The following NCBP2L variants were observed in gnomAD, a reference collection of about 807,000 sequenced individuals.
NCBP2L encodes the protein nuclear cap-binding protein subunit 2-like.
For missense variants in NCBP2L, 95 were observed against 53.1 expected (o/e 1.79, Z -2.45); for synonymous variants, 39 against 19.2 (o/e 2.04, Z -2.70).
Position 107,794,869 on chromosome X carries a change from T to A in NCBP2L, c.*187T>A, listed in dbSNP as rs1024516839. ...TTTGTTTTTGTCTGAATTTTGAAGATGCTTTTCAGATTACCAGTTTGACTG... is the reference window on the plus strand; with the variant it reads ...TTTGTTTTTGTCTGAATTTTGAAGAAGCTTTTCAGATTACCAGTTTGACTG... On this transcript the variant is annotated 3_prime_UTR_variant, in exon 2 of 2. Transcript: ENST00000509000. 2.7e-5 allele frequency: 10 copies of A among 365,248 alleles called. No individual in the cohort carries two copies. The Admixed American group carries it at 4.8e-4, about 17-fold the overall frequency. 30.1% of individuals were successfully genotyped at this position (365,248 alleles called of 1,213,427 possible).
intron 1 of NCBP2L, among the ~76,000 whole-genome samples, chrX:107,787,162 G>A (rs1057128815): frequency 8.9e-6 from 1 of 111,871 alleles, no homozygotes; most frequent in African/African-American, 3.3e-5. Flanking sequence ...TTTCTAAAAA[G>A]CTCCCAGGTG....
chrX:107,787,528 T>C (rs1930403145), intron 1 of NCBP2L, among the ~76,000 whole-genome samples: 1 of 112,012 alleles, frequency 8.9e-6, no homozygotes, highest in African/African-American at 3.2e-5. Flanking sequence ...AAGTAATTTC[T>C]CATCTCTCAC....
chrX:107,781,472 A>ATTTTTTTTT (rs769639335), intron 1 of NCBP2L, among the ~76,000 whole-genome samples: 22 of 73,850 alleles, frequency 3.0e-4, no homozygotes, highest in Non-Finnish European at 4.5e-4. Context: ...CGCCCGGCTA[A>ATTTTTTTTT]TTTTTTTTTT....
chrX:107,784,807 CAA>C (rs10550955), intron 1 of NCBP2L, among the ~76,000 whole-genome samples: 1,056 of 41,032 alleles, frequency 0.026, 11 homozygotes, highest in African/African-American at 0.053. Context: ...CCCATCTCCA[CAA>C]AAAAAAAAAA....
At chrX:107,788,767 C>A (rs1420241493) in intron 1 of NCBP2L, among the ~76,000 whole-genome samples, 1 of 111,543 alleles carries the variant, frequency 9.0e-6, no homozygotes, top group Non-Finnish European at 1.9e-5. Flanking sequence ...CAACTAGAAA[C>A]CTCTGTTTTC....
In NCBP2L at chrX:107,794,254, C is replaced by T. The variant is rs756676066; in HGVS notation, c.34C>T (p.Pro12Ser). 7 of 557,387 alleles carry T rather than the reference C, an allele frequency of 1.3e-5. No individual in the cohort carries two copies. Among genetic ancestry groups the T allele is most frequent in the Middle Eastern group, 3.1e-4 (1 of 3,196 alleles). 45.9% of individuals were successfully genotyped at this position (557,387 alleles called of 1,213,427 possible). Residue 12 changes from proline to serine, a missense_variant, in exon 2 of 2, where the codon CCT (proline) becomes TCT (serine). Physicochemically the swap from Pro to Ser is moderately conservative, Grantham distance 74. Coordinates refer to ENST00000509000, the MANE Select transcript of NCBP2L (RefSeq NM_001348372.2). ...SKDLKILCKD[P>S]ALELSCYRDH... is the part of the protein sequence containing the mutation. The stretch of plus-strand genomic sequence containing the variant: ...AGACCTGAAAATTCTATGTAAAGAC[C>T]CTGCTTTGGAGCTGAGCTGCTACCG...
intron 1 of NCBP2L, among the ~76,000 whole-genome samples, chrX:107,792,563 G>A (rs1930467198): frequency 9.0e-6 from 1 of 111,670 alleles, no homozygotes; most frequent in Non-Finnish European, 1.9e-5. Flanking sequence ...CAGCACTGTT[G>A]TTTACATCTG....
chrX:107,782,851 T>C (rs1372934709), intron 1 of NCBP2L, among the ~76,000 whole-genome samples: 1 of 108,047 alleles, frequency 9.3e-6, no homozygotes, highest in African/African-American at 3.4e-5. Context: ...ACACATAATA[T>C]ACACACATAT....
At position 107,794,904 on chromosome X, in the gene NCBP2L, C is replaced by T. The variant is rs1480054675; in HGVS notation, c.*222C>T. 3.4e-6 allele frequency: 1 copy of T among 297,289 alleles called. No homozygotes were observed. The highest frequency in any genetic ancestry group is 5.9e-6 in the Non-Finnish European group (1 of 169,580). 24.5% of individuals were successfully genotyped at this position (297,289 alleles called of 1,213,427 possible). A position where few individuals can be genotyped will look rare whatever the true frequency, so the allele number is the denominator to read the frequency against. On this transcript the variant is annotated 3_prime_UTR_variant, in exon 2 of 2. Coordinates refer to ENST00000509000, the MANE Select transcript of NCBP2L (RefSeq NM_001348372.2). ...ATTACCAGTTTGACTGTTAGGTGGTCCAAAGTGAAGTGTTCTTCGGGAACA... is the reference window on the plus strand; with the variant it reads ...ATTACCAGTTTGACTGTTAGGTGGTTCAAAGTGAAGTGTTCTTCGGGAACA...
intron 1 of NCBP2L, among the ~76,000 whole-genome samples, chrX:107,780,246 ACG>A (rs1287091113): frequency 9.0e-6 from 1 of 111,472 alleles, no homozygotes; most frequent in African/African-American, 3.3e-5. Context: ...AGTCCCAGCT[ACG>A]CAGGGAGGAT....
chrX:107,778,545 C>T (rs1199908402), intron 1 of NCBP2L, among the ~76,000 whole-genome samples: 1 of 112,833 alleles, frequency 8.9e-6, no homozygotes, highest in Non-Finnish European at 1.9e-5. Context: ...TTGCACACCT[C>T]CTCAGGAGAA....
chrX:107,781,688 C>A (rs866328620), intron 1 of NCBP2L, among the ~76,000 whole-genome samples: 5 of 60,742 alleles, frequency 8.2e-5, no homozygotes, highest in South Asian at 1.2e-3. Flanking sequence ...CTCTCTCTCT[C>A]TCTCTATATA....
intron 1 of NCBP2L, among the ~76,000 whole-genome samples, chrX:107,780,484 A>G (rs1371752679): frequency 9.0e-6 from 1 of 110,778 alleles, no homozygotes; most frequent in African/African-American, 3.3e-5. Context: ...GCTCTCGGAG[A>G]CATGGAATTG....
intron 1 of NCBP2L, among the ~76,000 whole-genome samples, chrX:107,782,300 A>AATATATATAAAT (rs1930324130): frequency 9.7e-5 from 2 of 20,565 alleles, no homozygotes; most frequent in Non-Finnish European, 1.3e-4. Context: ...TATATATATA[A>AATATATATAAAT]ATATATATAT....
At chrX:107,790,878 G>A (rs765752931) in intron 1 of NCBP2L, among the ~76,000 whole-genome samples, 56 of 111,993 alleles carry the variant, frequency 5.0e-4, no homozygotes, top group Middle Eastern at 4.6e-3. Context: ...CCTTTAGAAA[G>A]TTGTTTTCCC....
intron 1 of NCBP2L, among the ~76,000 whole-genome samples, chrX:107,778,377 T>C (rs986205496): frequency 9.8e-5 from 11 of 112,262 alleles, no homozygotes; most frequent in Admixed American, 2.8e-4. Context: ...TAGTCCTTGC[T>C]CTCAAGCAGT....
chrX:107,788,839 C>T (rs958030570), intron 1 of NCBP2L, among the ~76,000 whole-genome samples: 11 of 111,642 alleles, frequency 9.9e-5, no homozygotes, highest in African/African-American at 3.6e-4. Flanking sequence ...CAGCCACCCT[C>T]TTCCAATCCT....
chrX:107,793,710 T>C (rs1930480949), intron 1 of NCBP2L, among the ~76,000 whole-genome samples: 1 of 112,142 alleles, frequency 8.9e-6, no homozygotes, highest in Non-Finnish European at 1.9e-5. Flanking sequence ...TAGACTTGAA[T>C]TGCAAATTAA....
chrX:107,794,888 T>C lies in NCBP2L; in HGVS notation c.*206T>C, dbSNP rs1192701039. 5.9e-6 allele frequency: 2 copies of C among 339,109 alleles called. No homozygotes were observed. The highest frequency in any genetic ancestry group is 5.2e-5 in the African/African-American group (2 of 38,108). 27.9% of individuals were successfully genotyped at this position (339,109 alleles called of 1,213,427 possible). On this transcript the variant is annotated 3_prime_UTR_variant, in exon 2 of 2. Coordinates refer to ENST00000509000, the MANE Select transcript of NCBP2L (RefSeq NM_001348372.2). ...TGAAGATGCTTTTCAGATTACCAGT[T>C]TGACTGTTAGGTGGTCCAAAGTGAA... is the stretch of plus-strand genomic sequence containing the variant.
Sources: allele counts gnomAD v4.1 joint callset (sites outside exome capture counted in the v4.1 genomes callset), GRCh38; gene constraint gnomAD v4.1.1; transcripts MANE v1.5; gene names NCBI Gene and HGNC (gene_info 2026-07-23, HGNC 2026-07-21).